RASSF5: variants seen among roughly 807,000 people sequenced by gnomAD.
The protein encoded by RASSF5 is ras association domain-containing protein 5.
Under a neutral mutation model 40.5 loss-of-function variants are expected in RASSF5, and 25 were observed. The observed-to-expected ratio is 0.62, with a 90% confidence interval of 0.45 to 0.86. The LOEUF (loss-of-function observed/expected upper bound fraction) is 0.86, where lower values mean the gene tolerates loss of function less well. RASSF5 is among the 40% of genes least tolerant of loss of function. RASSF5 has a pLI of 0.00. For synonymous variants in RASSF5, 246 were observed against 252.4 expected, an observed-to-expected ratio of 0.97 and a Z score of 0.24; for missense variants, 521 against 572.8, an observed-to-expected ratio of 0.91 and a Z score of 0.92.
chr1:206,561,416 TC>T (rs1274101897), intron 2 of RASSF5, among the ~76,000 whole-genome samples: 1 of 152,136 alleles, frequency 6.6e-6, no homozygotes, highest in African/African-American at 2.4e-5. Flanking sequence ...GTCCTTCCCA[TC>T]CCTCCATTCC....
At chr1:206,523,910 A>C (rs1270695986) in intron 1 of RASSF5, among the ~76,000 whole-genome samples, 1 of 112,914 alleles carries the variant, frequency 8.9e-6, no homozygotes, top group Non-Finnish European at 1.6e-5. Context: ...TATATATTTT[A>C]TATATAATAT....
intron 1 of RASSF5, among the ~76,000 whole-genome samples, chr1:206,525,404 G>C (rs143656420): frequency 1.3e-5 from 2 of 152,072 alleles, no homozygotes; most frequent in African/African-American, 4.8e-5. Context: ...CCAGGTTCCA[G>C]AAAGAATTTT....
At position 206,538,307 on chromosome 1, in the gene RASSF5, C is replaced by G. The variant is rs371527744; in HGVS notation, c.579+14C>G. On this transcript the variant is annotated intron_variant, in intron 2 of 5. Coordinates refer to ENST00000579436, the MANE Select transcript of RASSF5 (RefSeq NM_182663.4). ...ACCTTCAGCCAGGTAGGTGCCAAAGCTCTCGTACCAAGCTGGGAACAGCCT... is the reference window on the plus strand; with the variant it reads ...ACCTTCAGCCAGGTAGGTGCCAAAGGTCTCGTACCAAGCTGGGAACAGCCT... 13 of 1,612,872 alleles carry G rather than the reference C, an allele frequency of 8.1e-6. No individual in the cohort carries two copies. The highest frequency in any genetic ancestry group is 5.3e-5 in the African/African-American group (4 of 74,892).
intron 2 of RASSF5, among the ~76,000 whole-genome samples, chr1:206,546,089 ATTTTTTTTT>A (rs10603701): frequency 1.1e-3 from 53 of 48,218 alleles, no homozygotes; most frequent in Admixed American, 2.4e-3. Context: ...TTCTTTTTCT[ATTTTTTTTT>A]TTTTTTTTTT....
intron 2 of RASSF5, among the ~76,000 whole-genome samples, chr1:206,575,111 C>T (rs1398119960): frequency 6.6e-6 from 1 of 151,898 alleles, no homozygotes; most frequent in Non-Finnish European, 1.5e-5. Context: ...CCTTTGAATG[C>T]GGTTTGGACA....
At chr1:206,563,742 A>G (rs561440586) in intron 2 of RASSF5, among the ~76,000 whole-genome samples, 2 of 152,322 alleles carry the variant, frequency 1.3e-5, no homozygotes, top group African/African-American at 2.4e-5. Context: ...GCTTACCCCA[A>G]TTGGAATGCA....
chr1:206,509,475 G>T (rs1233585819), intron 1 of RASSF5, among the ~76,000 whole-genome samples: 2 of 152,226 alleles, frequency 1.3e-5, no homozygotes, highest in Admixed American at 1.3e-4. Flanking sequence ...CTGTCCCTTG[G>T]TAAATGCCTT....
chr1:206,562,578 G>A (rs938287190), intron 2 of RASSF5, among the ~76,000 whole-genome samples: 6 of 152,054 alleles, frequency 3.9e-5, no homozygotes, highest in East Asian at 3.9e-4. Flanking sequence ...AGTATTGTCC[G>A]TCCTATAAGA....
At chr1:206,538,382 G>A in intron 2 of RASSF5, 89 bp downstream of exon 2, 1 of 1,566,910 alleles carries the variant, frequency 6.4e-7, no homozygotes, top group East Asian at 2.3e-5. Context: ...CTGGTGAGCA[G>A]GAGGTGGCAT....
chr1:206,573,361 A>C (rs1668519725), intron 2 of RASSF5, among the ~76,000 whole-genome samples: 1 of 152,214 alleles, frequency 6.6e-6, no homozygotes, highest in Non-Finnish European at 1.5e-5. Context: ...TGTAGTGAGT[A>C]ATAGGAGTCA....
chr1:206,521,291 A>C (rs1553396059), intron 1 of RASSF5, among the ~76,000 whole-genome samples: 2 of 152,148 alleles, frequency 1.3e-5, no homozygotes, highest in African/African-American at 4.8e-5. Flanking sequence ...CCTCTGACAT[A>C]ATCTATTTAC....
chr1:206,529,054 A>C, intron 1 of RASSF5: 1 of 928,212 alleles, frequency 1.1e-6, no homozygotes, highest in Non-Finnish European at 1.7e-6. Context: ...CCCAAAAGAG[A>C]CCTCACCTGC....
chr1:206,578,449 C>T (rs114312170), intron 2 of RASSF5, among the ~76,000 whole-genome samples: 1 of 151,978 alleles, frequency 6.6e-6, no homozygotes, highest in African/African-American at 2.4e-5. Context: ...GTGCACGGTA[C>T]ATATTAGCTG....
At position 206,587,343 on chromosome 1, in the gene RASSF5, C is replaced by T. The variant is rs1269628074; in HGVS notation, c.*365C>T. ...AAGAAAGGTTTTAGAGCTGTGTGTT[C>T]TTTCTCTGGCATTGATTCCTCTTTG... On this transcript the variant is annotated 3_prime_UTR_variant, in exon 6 of 6. Coordinates refer to ENST00000579436, the MANE Select transcript of RASSF5 (RefSeq NM_182663.4). 3.0e-6 allele frequency: 1 copy of T among 328,078 alleles called. No individual in the cohort carries two copies. Among genetic ancestry groups the T allele is most frequent in the Non-Finnish European group, 5.9e-6 (1 of 169,386 alleles). 20.3% of individuals were successfully genotyped at this position (328,078 alleles called of 1,614,324 possible). A position where few individuals can be genotyped will look rare whatever the true frequency, so the allele number is the denominator to read the frequency against.
chr1:206,573,185 G>T (rs782626980), intron 2 of RASSF5, among the ~76,000 whole-genome samples: 1 of 152,186 alleles, frequency 6.6e-6, no homozygotes, highest in Non-Finnish European at 1.5e-5. Context: ...ATCAGTCTCC[G>T]TGTGGTGGCT....
At position 206,587,022 on chromosome 1, in the gene RASSF5, T is replaced by C. The variant is rs781953270; in HGVS notation, c.*44T>C. ...CTCCTGGTGCATTCAGATTTATTTG[T>C]ATTATTAATTATTATTTTGCAACAG... On this transcript the variant is annotated 3_prime_UTR_variant, in exon 6 of 6. Transcript: ENST00000579436. The C allele has an allele frequency of 1.2e-6, 2 of 1,602,882 alleles. No homozygotes were observed. Among genetic ancestry groups the C allele is most frequent in the East Asian group, 4.5e-5 (2 of 44,006 alleles).
intron 2 of RASSF5, among the ~76,000 whole-genome samples, chr1:206,540,675 C>CT (rs781883164): frequency 1.2e-4 from 19 of 152,246 alleles, no homozygotes; most frequent in South Asian, 2.1e-4. Flanking sequence ...TCTAAAAAGC[C>CT]TGTTTGTGCT....
chr1:206,528,994 C>A (rs1249339827), intron 1 of RASSF5: 3 of 690,550 alleles, frequency 4.3e-6, no homozygotes, highest in Non-Finnish European at 7.7e-6. Flanking sequence ...GTGGTGAATC[C>A]CCTGTTTGAG....
chr1:206,562,116 A>G (rs1276928689), intron 2 of RASSF5, among the ~76,000 whole-genome samples: 4 of 152,016 alleles, frequency 2.6e-5, no homozygotes, highest in African/African-American at 2.4e-5. Context: ...CAGATCCTAC[A>G]CTGCTCCCTG....
Sources: gnomAD v4.1 joint callset for allele counts (sites outside exome capture counted in the v4.1 genomes callset) on GRCh38, gnomAD v4.1.1 for gene constraint, MANE v1.5 for transcripts, NCBI Gene and HGNC (gene_info 2026-07-23, HGNC 2026-07-21) for gene names.